BCAT1: variants seen among roughly 807,000 people sequenced by gnomAD.
BCAT1 encodes the protein branched-chain-amino-acid aminotransferase, cytosolic.
Under a neutral mutation model 52.4 loss-of-function variants are expected in BCAT1, and 48 were observed. That is an observed-to-expected ratio of 0.92 (90% confidence interval 0.73 to 1.16). The LOEUF is 1.16. BCAT1 is among the 50% of genes most tolerant of loss of function. The pLI is 0.00. For missense variants in BCAT1, 451 were observed against 457.1 expected, an observed-to-expected ratio of 0.99 and a Z score of 0.12; for synonymous variants, 167 against 161.3, an observed-to-expected ratio of 1.04 and a Z score of -0.27.
chr12:24,899,532 G>T (rs1041181596), intron 2 of BCAT1, among the ~76,000 whole-genome samples: 11 of 151,962 alleles, frequency 7.2e-5, no homozygotes, highest in Non-Finnish European at 1.6e-4. Context: ...CCTACTACTG[G>T]GTATTTTCCA....
At chr12:24,882,214 T>C (rs981843206) in intron 3 of BCAT1, among the ~76,000 whole-genome samples, 2 of 152,150 alleles carry the variant, frequency 1.3e-5, no homozygotes, top group Non-Finnish European at 2.9e-5. Context: ...AAACACAAGA[T>C]AAGCCAGAAA....
At chr12:24,825,280 A>AT (rs1014834557) in intron 10 of BCAT1, among the ~76,000 whole-genome samples, 3 of 152,020 alleles carry the variant, frequency 2.0e-5, no homozygotes, top group Non-Finnish European at 2.9e-5. Context: ...TGATATACTA[A>AT]TTTTTTTCTT....
At chr12:24,836,081 G>A (rs34835991) in intron 8 of BCAT1, among the ~76,000 whole-genome samples, 21,372 of 152,178 alleles carry the variant, frequency 0.14, 1,907 homozygotes, top group Middle Eastern at 0.23. Flanking sequence ...TTATATGTCA[G>A]TGAAATTATT....
chr12:24,907,505 C>T (rs1392563066), intron 1 of BCAT1, among the ~76,000 whole-genome samples: 1 of 152,146 alleles, frequency 6.6e-6, no homozygotes, highest in Non-Finnish European at 1.5e-5. Flanking sequence ...ATAGCAGGTT[C>T]CTGCCTTAAC....
chr12:24,881,335 C>T lies in BCAT1; in HGVS notation c.356G>A (p.Arg119Lys). Residue 119 changes from arginine (R) to lysine (K), a missense_variant, in exon 4 of 11, where the codon AGA (arginine) becomes AAA (lysine). By Grantham distance (26) the Arg-to-Lys change is conservative. Transcript: ENST00000261192. Reference sequence around the variant, plus strand: ...TGCCCTCACAGCAGAGCGATACATTCTATCCATGTTGAGGTTTGGCTGAAA... The same window carrying T: ...TGCCCTCACAGCAGAGCGATACATTTTATCCATGTTGAGGTTTGGCTGAAA... ...RLFQPNLNMD[R>K]MYRSAVRATL... The T allele has an allele frequency of 6.2e-7, 1 of 1,613,176 alleles. No homozygotes were observed. Among genetic ancestry groups the T allele is most frequent in the Non-Finnish European group, 8.5e-7 (1 of 1,179,150 alleles).
At chr12:24,930,393 C>T (rs185276345) in intron 1 of BCAT1, among the ~76,000 whole-genome samples, 248 of 152,294 alleles carry the variant, frequency 1.6e-3, no homozygotes, top group Non-Finnish European at 2.6e-3. Context: ...TAGTTCATGA[C>T]GTCTTTGCTC....
At position 24,856,130 on chromosome 12, in the gene BCAT1, G is replaced by C. The variant is rs77808523; in HGVS notation, c.511-6181C>G. Among the ~76,000 whole-genome samples the C allele has an allele frequency of 1.2e-4, 19 of 152,236 alleles. No individual in the cohort carries two copies. The East Asian group carries it at 3.7e-3, about 29-fold the overall frequency. On this transcript the variant is annotated intron_variant, in intron 5 of 10. Coordinates refer to ENST00000261192, the MANE Select transcript of BCAT1 (RefSeq NM_005504.7). ...ACATGTAAGCCACTGTGGAGTTCAG[G>C]TCTTAAGCATGAGCTCCCTGATTCT...
At chr12:24,947,430 T>C (rs1943947723) in intron 1 of BCAT1, among the ~76,000 whole-genome samples, 1 of 152,144 alleles carries the variant, frequency 6.6e-6, no homozygotes, top group Non-Finnish European at 1.5e-5. Flanking sequence ...ACAAAGGCAA[T>C]CAAGATGCCA....
chr12:24,878,718 C>T, intron 4 of BCAT1, 69 bp from the exon 5 acceptor site: 1 of 1,408,402 alleles, frequency 7.1e-7, no homozygotes, highest in South Asian at 1.4e-5. Context: ...ATGATCCTCA[C>T]TGAAGCATTT....
chr12:24,851,815 C>T (rs1274097218), intron 5 of BCAT1, among the ~76,000 whole-genome samples: 1 of 152,158 alleles, frequency 6.6e-6, no homozygotes, highest in African/African-American at 2.4e-5. Flanking sequence ...TTCCCAGCTA[C>T]GATAAAACTT....
intron 1 of BCAT1, among the ~76,000 whole-genome samples, chr12:24,916,003 C>A (rs199827208): frequency 2.1e-5 from 1 of 47,594 alleles, no homozygotes; most frequent in African/African-American, 3.6e-5. Flanking sequence ...ACCAAAAATA[C>A]AAAAAATTAG....
chr12:24,900,166 C>CCTTA (rs1943061113), intron 2 of BCAT1, among the ~76,000 whole-genome samples: 1 of 152,100 alleles, frequency 6.6e-6, no homozygotes, highest in Non-Finnish European at 1.5e-5. Flanking sequence ...TTTACACATG[C>CCTTA]CTTATTACAT....
intron 1 of BCAT1, chr12:24,902,989 G>A: frequency 2.0e-6 from 3 of 1,471,266 alleles, no homozygotes; most frequent in Non-Finnish European, 2.7e-6. Context: ...GGCTGGCCAT[G>A]GGGAGGCTGC....
intron 1 of BCAT1, among the ~76,000 whole-genome samples, chr12:24,923,032 A>C (rs1008147508): frequency 5.3e-5 from 8 of 152,158 alleles, no homozygotes; most frequent in Admixed American, 2.0e-4. Flanking sequence ...TGTGTAAAAT[A>C]TTACTTACTA....
intron 1 of BCAT1, among the ~76,000 whole-genome samples, chr12:24,926,607 G>A (rs1428896792): frequency 6.6e-6 from 1 of 152,182 alleles, no homozygotes; most frequent in Admixed American, 6.5e-5. Flanking sequence ...ATTTTGTTCT[G>A]TACTAAGAAA....
intron 5 of BCAT1, among the ~76,000 whole-genome samples, chr12:24,870,891 T>G (rs1219801382): frequency 6.6e-6 from 1 of 152,050 alleles, no homozygotes; most frequent in Non-Finnish European, 1.5e-5. Flanking sequence ...GGTGTAGTGG[T>G]GCACGCCTGT....
intron 9 of BCAT1, among the ~76,000 whole-genome samples, chr12:24,831,259 A>C (rs138994187): frequency 1.3e-5 from 2 of 152,334 alleles, no homozygotes; most frequent in Non-Finnish European, 2.9e-5. Context: ...TATAACATAC[A>C]TAACATACAA....
chr12:24,825,464 T>A (rs11831592), intron 10 of BCAT1, among the ~76,000 whole-genome samples: 3 of 306 alleles, frequency 9.8e-3, no homozygotes, highest in Non-Finnish European at 0.016. Context: ...TTATTGCCTG[T>A]TTTTTTTTTT....
intron 6 of BCAT1, among the ~76,000 whole-genome samples, chr12:24,848,371 T>C (rs1268284586): frequency 6.6e-6 from 1 of 152,224 alleles, no homozygotes; most frequent in Non-Finnish European, 1.5e-5. Context: ...TAGGGTTCAC[T>C]CTGTGTGGTA....
Sources: gnomAD v4.1 joint callset for allele counts (sites outside exome capture counted in the v4.1 genomes callset) on GRCh38, gnomAD v4.1.1 for gene constraint, MANE v1.5 for transcripts, NCBI Gene and HGNC (gene_info 2026-07-23, HGNC 2026-07-21) for gene names.